The following TBX20 variants were observed in gnomAD, a reference collection of about 807,000 sequenced individuals.
TBX20 encodes T-box transcription factor 20, also known as T-box transcription factor TBX20.
A neutral mutation model predicts 42.9 loss-of-function variants in TBX20; 8 were observed. That is an observed-to-expected ratio of 0.19 (90% confidence interval 0.11 to 0.34). The LOEUF is 0.34. TBX20 is among the 10% of genes least tolerant of loss of function. TBX20 has a pLI of 1.00. For synonymous variants in TBX20, 198 were observed against 222.8 expected (o/e 0.89, Z 0.99); for missense variants, 411 against 566.0 (o/e 0.73, Z 2.78).
chr7:35,204,505 A>G lies in TBX20; in HGVS notation c.968T>C (p.Val323Ala). ...GGTTGTCTGACTCTCATCCCCCAAG[A>G]CATCTTCTTCTCCTCCGTAGGTACG... ...PIRTYGGEEDVLGDESQTTPN... is the reference protein window; with the variant it reads ...PIRTYGGEEDALGDESQTTPN... Residue 323 changes from valine to alanine, a missense_variant, in exon 7 of 8, where the codon GTC becomes GCC. Transcript: ENST00000408931. 6.2e-7 allele frequency: 1 copy of G among 1,614,098 alleles called. No individual in the cohort carries two copies. Among genetic ancestry groups the G allele is most frequent in the Non-Finnish European group, 8.5e-7 (1 of 1,179,980 alleles).
Position 35,245,155 on chromosome 7 carries a change from A to G in TBX20, c.546-98T>C. On this transcript the variant is annotated intron_variant, in intron 3 of 7. Transcript: ENST00000408931. ...AATTCTAAGGGAACACATAAACCAT[A>G]TATAAGTGGGAAATTTTATTGCCCT... 5 of 894,952 alleles carry G rather than the reference A, an allele frequency of 5.6e-6. No individual in the cohort carries two copies. In the East Asian group the frequency reaches 1.3e-4, roughly 24 times the overall value. The allele number at this position is 894,952 out of a possible 1,614,324, so 55.4% of individuals were successfully genotyped here.
Position 35,249,939 on chromosome 7 carries a change from AGT to A in TBX20, c.380+10_380+11del. 1 of 1,593,544 alleles carries A rather than the reference AGT, an allele frequency of 6.3e-7. No individual in the cohort carries two copies. Among genetic ancestry groups the A allele is most frequent in the Non-Finnish European group, 8.6e-7 (1 of 1,168,314 alleles). On this transcript the variant is annotated intron_variant, in intron 2 of 7. Coordinates refer to ENST00000408931, the MANE Select transcript of TBX20 (RefSeq NM_001077653.2). This position sits in a 1 kb window ranked among gnomAD's most constrained non-coding sequence, Gnocchi z 4.3. ...CTCCACCCCCAACCCCCAACCCCCA[AGT>A]CCCAACTACCTGCCCGACTTGGTGA...
intron 3 of TBX20, 28 bp from the exon 4 acceptor site, chr7:35,245,085 G>C: frequency 6.7e-7 from 1 of 1,490,784 alleles, no homozygotes; most frequent in South Asian, 1.2e-5. Flanking sequence ...AAACTTTATT[G>C]AGACTTCTTT....
At position 35,249,146 on chromosome 7, in the gene TBX20, C is replaced by G. The variant is rs1469720609; in HGVS notation, c.381-305G>C. The stretch of plus-strand genomic sequence containing the variant: ...CAGAAGGTCTGTGATTAGGGAAAAT[C>G]CCATGCATTTTAACGATCAAGCACA... On this transcript the variant is annotated intron_variant, in intron 2 of 7. Coordinates refer to ENST00000408931, the MANE Select transcript of TBX20 (RefSeq NM_001077653.2). The surrounding 1 kb of genome is among the most constrained non-coding windows in gnomAD (Gnocchi z 4.3). Among the ~76,000 whole-genome samples the G allele has an allele frequency of 1.3e-5, 2 of 152,130 alleles. No homozygotes were observed. Among genetic ancestry groups the G allele is most frequent in the Non-Finnish European group, 2.9e-5 (2 of 68,022 alleles).
At chr7:35,225,435 GTAGT>G (rs755026786) in intron 6 of TBX20, among the ~76,000 whole-genome samples, 15 of 151,774 alleles carry the variant, frequency 9.9e-5, no homozygotes, top group African/African-American at 7.3e-5. Flanking sequence ...GTGGTTTTTG[GTAGT>G]TAGTTAACCT....
chr7:35,216,040 T>C (rs896596846), intron 6 of TBX20, among the ~76,000 whole-genome samples: 2 of 152,194 alleles, frequency 1.3e-5, no homozygotes, highest in Non-Finnish European at 2.9e-5. Context: ...ACAATCCTCC[T>C]TTACTGCAAT....
chr7:35,203,165 G>T (rs1205970012), intron 7 of TBX20, among the ~76,000 whole-genome samples: 2 of 152,124 alleles, frequency 1.3e-5, no homozygotes, highest in East Asian at 1.9e-4. Flanking sequence ...AAGCTGTCTG[G>T]TTTCCAAAAC....
intron 3 of TBX20, among the ~76,000 whole-genome samples, chr7:35,246,865 A>AT (rs1386817293): frequency 1.3e-5 from 2 of 152,128 alleles, no homozygotes; most frequent in East Asian, 3.8e-4. Flanking sequence ...TAAGCTAAAC[A>AT]TTTTTATTTA....
intron 4 of TBX20, among the ~76,000 whole-genome samples, chr7:35,242,704 A>G (rs1296137125): frequency 1.3e-5 from 2 of 152,110 alleles, no homozygotes; most frequent in Non-Finnish European, 2.9e-5. Flanking sequence ...CCCCAGACTG[A>G]GCCTCTAAGA....
intron 6 of TBX20, among the ~76,000 whole-genome samples, chr7:35,220,516 CT>C (rs1250396669): frequency 4.6e-5 from 7 of 152,218 alleles, no homozygotes; most frequent in Non-Finnish European, 1.0e-4. Flanking sequence ...TCAGAAACTA[CT>C]TCCTTATCTA....
At chr7:35,206,936 C>T (rs1191898927) in intron 6 of TBX20, among the ~76,000 whole-genome samples, 1 of 152,118 alleles carries the variant, frequency 6.6e-6, no homozygotes, top group East Asian at 1.9e-4. Context: ...GGATATTTGA[C>T]TTGTTTCTAG....
intron 6 of TBX20, among the ~76,000 whole-genome samples, chr7:35,220,433 C>A (rs894476886): frequency 2.8e-4 from 43 of 152,226 alleles, no homozygotes; most frequent in Non-Finnish European, 1.3e-4. Flanking sequence ...AGGGAACCAG[C>A]ACTGCCCCAG....
chr7:35,221,673 C>T (rs2128712133), intron 6 of TBX20, among the ~76,000 whole-genome samples: 1 of 152,294 alleles, frequency 6.6e-6, no homozygotes, highest in African/African-American at 2.4e-5. Context: ...TATGCAAGAA[C>T]TCATAAAGAA....
At chr7:35,225,773 T>C (rs1789759693) in intron 6 of TBX20, among the ~76,000 whole-genome samples, 1 of 152,228 alleles carries the variant, frequency 6.6e-6, no homozygotes, top group Non-Finnish European at 1.5e-5. Flanking sequence ...GTAACATTTA[T>C]GTAGAAGACC....
In TBX20 at chr7:35,236,277, A is replaced by C. The variant is rs1584353013; in HGVS notation, c.813+4602T>G. ...CTTAAGATATATGAAAGTGGTCCTA[A>C]ATGTGAATTTTTAAATCTTCCTCTC... is the stretch of plus-strand genomic sequence containing the variant. On this transcript the variant is annotated intron_variant, in intron 5 of 7. Transcript: ENST00000408931. 2.6e-5 allele frequency among the ~76,000 whole-genome samples: 4 copies of C among 150,994 alleles called. No individual in the cohort carries two copies. The East Asian group carries it at 7.7e-4, about 29-fold the overall frequency.
intron 6 of TBX20, among the ~76,000 whole-genome samples, chr7:35,213,049 C>T (rs945932539): frequency 3.9e-5 from 6 of 152,182 alleles, no homozygotes; most frequent in Admixed American, 3.9e-4. Context: ...GTATTCTCCC[C>T]CACTGCCATG....
chr7:35,249,689 G>A lies in TBX20; in HGVS notation c.380+262C>T, dbSNP rs1004453754. ...CCAGGGAAAGCAGACCACACCCTTCGGGGTTAGTGTGTCTCCCTGGTCCCT... is the reference window on the plus strand; with the variant it reads ...CCAGGGAAAGCAGACCACACCCTTCAGGGTTAGTGTGTCTCCCTGGTCCCT... On this transcript the variant is annotated intron_variant, in intron 2 of 7. Coordinates refer to ENST00000408931, the MANE Select transcript of TBX20 (RefSeq NM_001077653.2). The surrounding 1 kb of genome is among the most constrained non-coding windows in gnomAD (Gnocchi z 4.3). 1.6e-4 allele frequency among the ~76,000 whole-genome samples: 25 copies of A among 152,270 alleles called. No individual in the cohort carries two copies. The highest frequency in any genetic ancestry group is 5.1e-4 in the African/African-American group (21 of 41,548).
At chr7:35,226,732 A>G (rs909803748) in intron 6 of TBX20, among the ~76,000 whole-genome samples, 8 of 152,204 alleles carry the variant, frequency 5.3e-5, no homozygotes, top group African/African-American at 1.9e-4. Context: ...GCAGCAACAC[A>G]ACATGTTACT....
At chr7:35,221,809 G>T (rs1789688697) in intron 6 of TBX20, among the ~76,000 whole-genome samples, 1 of 152,166 alleles carries the variant, frequency 6.6e-6, no homozygotes, top group East Asian at 1.9e-4. Flanking sequence ...CAGTGAATAT[G>T]CCTGCAATTA....
Sources: gnomAD v4.1 joint callset for allele counts (sites outside exome capture counted in the v4.1 genomes callset) on GRCh38, gnomAD v4.1.1 for gene constraint, Gnocchi (gnomAD v3.1) non-coding constraint, MANE v1.5 for transcripts, NCBI Gene and HGNC (gene_info 2026-07-23, HGNC 2026-07-21) for gene names.